The following SERPINI1 variants were observed in gnomAD, a reference collection of about 807,000 sequenced individuals.
SERPINI1 encodes neuroserpin.
A neutral mutation model predicts 41.1 loss-of-function variants in SERPINI1; 19 were observed. That is an observed-to-expected ratio of 0.46 (90% CI 0.32 to 0.68). The LOEUF is 0.68. Ranked by LOEUF, SERPINI1 falls within the 30% of genes least tolerant of loss-of-function variation. SERPINI1 has a pLI of 0.03. For missense variants in SERPINI1, 460 were observed against 479.2 expected, an observed-to-expected ratio of 0.96 and a Z score of 0.37; for synonymous variants, 138 against 156.6, an observed-to-expected ratio of 0.88 and a Z score of 0.89.
chr3:167,823,509 T>C, intron 7 of SERPINI1, among the ~76,000 whole-genome samples: 1 of 152,324 alleles, frequency 6.6e-6, no homozygotes, highest in East Asian at 1.9e-4. Context: ...ATGGAGAATA[T>C]GGGATATTTT....
intron 5 of SERPINI1, among the ~76,000 whole-genome samples, chr3:167,802,243 A>C (rs916444677): frequency 7.9e-5 from 12 of 152,224 alleles, no homozygotes; most frequent in African/African-American, 2.9e-4. Flanking sequence ...AAAACACCAA[A>C]AGCAATGGCA....
intron 6 of SERPINI1, among the ~76,000 whole-genome samples, chr3:167,813,430 C>T (rs1212054676): frequency 2.0e-5 from 3 of 152,166 alleles, no homozygotes. Flanking sequence ...CCTCATAGCT[C>T]AGGCTCCAGC....
At chr3:167,759,403 T>TATATATATATATATATATATAA (rs1349283992) in intron 1 of SERPINI1, among the ~76,000 whole-genome samples, 3 of 125,972 alleles carry the variant, frequency 2.4e-5, no homozygotes, top group African/African-American at 1.3e-4. Flanking sequence ...AAATGTGGTA[T>TATATATATATATATATATATAA]ATATATATAT....
At chr3:167,807,401 A>C in intron 6 of SERPINI1, 60 bp downstream of exon 6, 1 of 1,087,162 alleles carries the variant, frequency 9.2e-7, no homozygotes, top group Non-Finnish European at 1.4e-6. Context: ...TTAAATGATG[A>C]TATTAAATCC....
intron 5 of SERPINI1, among the ~76,000 whole-genome samples, chr3:167,800,793 C>CTGTTTTGTTT (rs10647517): frequency 0.11 from 16,537 of 151,670 alleles, 984 homozygotes; most frequent in Middle Eastern, 0.13. Context: ...TTTGTTGTTG[C>CTGTTTTGTTT]TGTTTTGTTT....
At chr3:167,745,209 A>G (rs558382843) in intron 1 of SERPINI1, among the ~76,000 whole-genome samples, 2 of 152,006 alleles carry the variant, frequency 1.3e-5, no homozygotes, top group African/African-American at 4.8e-5. Flanking sequence ...TCTGGCAACA[A>G]AAGAATTATA....
chr3:167,807,471 A>T, intron 6 of SERPINI1, 130 bp downstream of exon 6: 1 of 645,074 alleles, frequency 1.6e-6, no homozygotes, highest in Non-Finnish European at 2.7e-6. Context: ...TAAATCTAGC[A>T]TGAAATACAT....
chr3:167,806,259 A>C (rs1387224815), intron 5 of SERPINI1, among the ~76,000 whole-genome samples: 1 of 152,066 alleles, frequency 6.6e-6, no homozygotes, highest in Non-Finnish European at 1.5e-5. Context: ...ACTCATAAGT[A>C]GGAGTCGAAC....
intron 1 of SERPINI1, among the ~76,000 whole-genome samples, chr3:167,775,675 C>T (rs1726946033): frequency 6.7e-6 from 1 of 148,494 alleles, no homozygotes; most frequent in Non-Finnish European, 1.5e-5. Flanking sequence ...CTGAATATCT[C>T]CTTGAACAAT....
intron 2 of SERPINI1, 104 bp from the exon 3 acceptor site, chr3:167,790,268 C>A: frequency 1.2e-6 from 1 of 801,212 alleles, no homozygotes; most frequent in East Asian, 2.6e-5. Flanking sequence ...CCCCCAGGTG[C>A]CTGTTTGGTT....
At chr3:167,805,241 T>C (rs9813472) in intron 5 of SERPINI1, among the ~76,000 whole-genome samples, 78,013 of 152,042 alleles carry the variant, frequency 0.51, 21,160 homozygotes, top group African/African-American at 0.63. Context: ...ATCACCATTC[T>C]GACTGGCGTG....
At chr3:167,768,474 T>C (rs985298643) in intron 1 of SERPINI1, among the ~76,000 whole-genome samples, 1 of 152,232 alleles carries the variant, frequency 6.6e-6, no homozygotes, top group Non-Finnish European at 1.5e-5. Flanking sequence ...GCAATATCGC[T>C]GAGGTATGCC....
chr3:167,767,671 G>A (rs980379247), intron 1 of SERPINI1, among the ~76,000 whole-genome samples: 5 of 152,004 alleles, frequency 3.3e-5, no homozygotes, highest in African/African-American at 9.7e-5. Context: ...TTTGATTCAC[G>A]GGAGAAAGTT....
At chr3:167,766,678 G>A (rs1429343446) in intron 1 of SERPINI1, among the ~76,000 whole-genome samples, 1 of 152,240 alleles carries the variant, frequency 6.6e-6, no homozygotes, top group Admixed American at 6.5e-5. Flanking sequence ...TGAGCACATG[G>A]ATGATAGAAG....
intron 1 of SERPINI1, among the ~76,000 whole-genome samples, chr3:167,746,478 A>G (rs1181640896): frequency 1.3e-5 from 2 of 152,224 alleles, no homozygotes; most frequent in African/African-American, 4.8e-5. Flanking sequence ...GATAAGCCAT[A>G]TAATGGGAGA....
At chr3:167,754,728 G>A (rs1726145288) in intron 1 of SERPINI1, among the ~76,000 whole-genome samples, 1 of 152,172 alleles carries the variant, frequency 6.6e-6, no homozygotes, top group Non-Finnish European at 1.5e-5. Context: ...TAGCAGAACT[G>A]CCACACTATA....
intron 4 of SERPINI1, among the ~76,000 whole-genome samples, chr3:167,793,589 TA>T (rs1727599498): frequency 9.1e-6 from 1 of 110,450 alleles, no homozygotes; most frequent in African/African-American, 4.2e-5. Flanking sequence ...TATATATATA[TA>T]TATATATTTT....
chr3:167,752,939 C>G (rs1726088212), intron 1 of SERPINI1, among the ~76,000 whole-genome samples: 1 of 152,094 alleles, frequency 6.6e-6, no homozygotes, highest in Non-Finnish European at 1.5e-5. Flanking sequence ...AAATAGGTCC[C>G]TGTTATTCTT....
intron 1 of SERPINI1, among the ~76,000 whole-genome samples, chr3:167,777,794 A>C (rs1317096568): frequency 6.6e-6 from 1 of 152,256 alleles, no homozygotes; most frequent in African/African-American, 2.4e-5. Flanking sequence ...TGTGCCCTCC[A>C]AAAGTTTACG....
Sources: allele counts gnomAD v4.1 joint callset (sites outside exome capture counted in the v4.1 genomes callset), GRCh38; gene constraint gnomAD v4.1.1; transcripts MANE v1.5; gene names NCBI Gene and HGNC (gene_info 2026-07-23, HGNC 2026-07-21).